PLAA: variants seen among roughly 807,000 people sequenced by gnomAD.
PLAA encodes the protein phospholipase A2 activating protein, also known as phospholipase A-2-activating protein.
PLAA carries 48 observed loss-of-function variants against 84.1 expected under a neutral mutation model. The observed-to-expected ratio is 0.57, with a 90% confidence interval of 0.45 to 0.73. The LOEUF (loss-of-function observed/expected upper bound fraction) is 0.73. Among genes scored for constraint, PLAA ranks in the 30% least tolerant of loss-of-function variants. The pLI, the probability that PLAA is intolerant of heterozygous loss-of-function variation, is 0.00. For synonymous variants in PLAA, 392 were observed against 336.6 expected (o/e 1.16, Z -1.80); for missense variants, 903 against 954.7 (o/e 0.95, Z 0.71).
At chr9:26,945,615 A>G (rs1825670564) in intron 1 of PLAA, among the ~76,000 whole-genome samples, 1 of 152,212 alleles carries the variant, frequency 6.6e-6, no homozygotes, top group African/African-American at 2.4e-5. Context: ...CTCTACCATC[A>G]GCTAGCAGAA....
At position 26,944,393 on chromosome 9, in the gene PLAA, T is replaced by C. The variant is rs145827500; in HGVS notation, c.149+2504A>G. On this transcript the variant is annotated intron_variant, in intron 1 of 13. Transcript: ENST00000397292. ...AATAAAAATTGTCAATATGTCAGAT[T>C]TGAGGACACTTTTACAACATTAAAG... Among the ~76,000 whole-genome samples, 21 of 152,284 alleles carry C rather than the reference T, an allele frequency of 1.4e-4. No homozygotes were observed. In the East Asian group the frequency reaches 3.9e-3, roughly 28 times the overall value.
chr9:26,945,391 C>T (rs1825660973), intron 1 of PLAA, among the ~76,000 whole-genome samples: 2 of 152,292 alleles, frequency 1.3e-5, no homozygotes, highest in South Asian at 4.1e-4. Flanking sequence ...AACTTAATAA[C>T]TGTACTCAAA....
At position 26,926,515 on chromosome 9, in the gene PLAA, T is replaced by G. The variant is rs757094089; in HGVS notation, c.611A>C (p.Glu204Ala). 17 of 1,613,582 alleles carry G rather than the reference T, an allele frequency of 1.1e-5. No individual in the cohort carries two copies. In the East Asian group the frequency reaches 3.3e-4, roughly 32 times the overall value. ...VRGLAILSET[E>A]FLSCANDASI... ...AGCATCATTTGCACAGGAAAGAAAT[T>G]CTGTTTCACTCAAAATTGCCAAACC... The change falls in exon 5 of 14, where the codon GAA becomes GCA. Residue 204 changes from glutamate to alanine, a missense_variant. Transcript: ENST00000397292.
intron 10 of PLAA, chr9:26,915,573 G>T: frequency 2.2e-6 from 1 of 460,330 alleles, no homozygotes; most frequent in Non-Finnish European, 2.9e-6. Context: ...TATACTCCAG[G>T]CATTTTGCTT....
rs1423627836 is a variant in PLAA, at chr9:26,905,249, A to AT, written c.*261dup. 4 of 401,710 alleles carry AT rather than the reference A, an allele frequency of 1.0e-5. No individual in the cohort carries two copies. Among genetic ancestry groups the AT allele is most frequent in the African/African-American group, 6.2e-5 (3 of 48,740 alleles). The allele number at this position is 401,710 out of a possible 1,614,324, so 24.9% of individuals were successfully genotyped here. A position where few individuals can be genotyped will look rare whatever the true frequency, so the allele number is the denominator to read the frequency against. ...GTGGCTAAGGTAAGGGGAAGATGTC[A>AT]TTGTCATTGTGTTGTTGCTGATTAT... On this transcript the variant is annotated 3_prime_UTR_variant, in exon 14 of 14. Transcript: ENST00000397292.
Position 26,935,074 on chromosome 9 carries a change from T to C in PLAA, c.282A>G (p.Ile94Met). 6.2e-7 allele frequency: 1 copy of C among 1,610,428 alleles called. No individual in the cohort carries two copies. Among genetic ancestry groups the C allele is most frequent in the Non-Finnish European group, 8.5e-7 (1 of 1,178,776 alleles). ...TTGGACTGTCCAGTGAGAAAATGCA[T>C]ATATTGTGGTCATTTCCACCGGTGG... ...LIATGGNDHN[I>M]CIFSLDSPMP... Residue 94 changes from isoleucine (I) to methionine (M), a missense_variant, in exon 2 of 14, where the codon ATA becomes ATG. Ile to Met is a conservative substitution (Grantham distance 10). Coordinates refer to ENST00000397292, the MANE Select transcript of PLAA (RefSeq NM_001031689.3).
chr9:26,933,559 G>A (rs1418512080), intron 2 of PLAA, among the ~76,000 whole-genome samples: 1 of 151,806 alleles, frequency 6.6e-6, no homozygotes, highest in Non-Finnish European at 1.5e-5. Flanking sequence ...AAGGCCGAGG[G>A]GGGCAAATCA....
intron 2 of PLAA, among the ~76,000 whole-genome samples, chr9:26,929,641 C>T (rs970203803): frequency 2.6e-5 from 4 of 152,288 alleles, no homozygotes; most frequent in Admixed American, 2.6e-4. Flanking sequence ...GAGACAGCTA[C>T]TTATTTGGAT....
intron 11 of PLAA, among the ~76,000 whole-genome samples, chr9:26,911,049 T>G (rs1312563672): frequency 6.6e-6 from 1 of 151,964 alleles, no homozygotes; most frequent in Non-Finnish European, 1.5e-5. Flanking sequence ...GTCCTAGTCT[T>G]TCTTTTTTTT....
chr9:26,934,474 A>C (rs1035368086), intron 2 of PLAA, among the ~76,000 whole-genome samples: 2 of 90,732 alleles, frequency 2.2e-5, no homozygotes, highest in Non-Finnish European at 4.2e-5. Flanking sequence ...TGAACACTTT[A>C]CTTTTTTTTT....
intron 1 of PLAA, among the ~76,000 whole-genome samples, chr9:26,945,093 C>T (rs1341161766): frequency 6.6e-6 from 1 of 152,126 alleles, no homozygotes; most frequent in African/African-American, 2.4e-5. Flanking sequence ...TGCCATTGCA[C>T]TCCAGCCTGG....
At chr9:26,935,544 C>A (rs772114078) in intron 1 of PLAA, among the ~76,000 whole-genome samples, 15 of 152,084 alleles carry the variant, frequency 9.9e-5, no homozygotes, top group Non-Finnish European at 1.6e-4. Flanking sequence ...CCTAAGAAAT[C>A]CCTGGTTAAA....
In PLAA at chr9:26,920,356, G is replaced by A. The variant is rs372992154; in HGVS notation, c.1068C>T (p.Ile356=). Residue 356 remains isoleucine (I), a synonymous_variant, in exon 8 of 14, where the codon ATC becomes ATT. Coordinates refer to ENST00000397292, the MANE Select transcript of PLAA (RefSeq NM_001031689.3). ...AGGCTTCGACTTTCTCCCCATCTCT[G>A]ATTAGACGAGTCTGTCCTTCTCTAG... ...PGTREGQTRL[I]RDGEKVEAYQ... is the part of the protein sequence containing the mutation. The A allele has an allele frequency of 7.4e-6, 12 of 1,612,638 alleles. No individual in the cohort carries two copies. In the Admixed American group the frequency reaches 2.0e-4, roughly 27 times the overall value.
Position 26,905,661 on chromosome 9 carries a change from A to G in PLAA, c.2238T>C (p.Leu746=), listed in dbSNP as rs1189096106. 2 of 1,614,200 alleles carry G rather than the reference A, an allele frequency of 1.2e-6. No homozygotes were observed. Among genetic ancestry groups the G allele is most frequent in the Non-Finnish European group, 1.7e-6 (2 of 1,180,018 alleles). The stretch of plus-strand genomic sequence containing the variant: ...CACTGATAAGTGTTCCAAGAGCCAC[A>G]AGAAGTCTAAAAGTGGCTTCTAGGT... ...VQDLEATFRL[L]VALGTLISDD... is the part of the protein sequence containing the mutation. Residue 746 remains leucine (L), a synonymous_variant, in exon 14 of 14, where the codon CTT becomes CTC. Coordinates refer to ENST00000397292, the MANE Select transcript of PLAA (RefSeq NM_001031689.3).
intron 1 of PLAA, among the ~76,000 whole-genome samples, chr9:26,936,580 A>T (rs1181206126): frequency 6.6e-6 from 1 of 152,236 alleles, no homozygotes; most frequent in African/African-American, 2.4e-5. Flanking sequence ...CTCTTGGCAC[A>T]GTAGCAGTTA....
chr9:26,905,532 T>A lies in PLAA; in HGVS notation c.2367A>T (p.Arg789Ser). 3.7e-6 allele frequency: 6 copies of A among 1,611,120 alleles called. No homozygotes were observed. Among genetic ancestry groups the A allele is most frequent in the Non-Finnish European group, 5.1e-6 (6 of 1,178,856 alleles). Residue 789 changes from arginine to serine, a missense_variant, in exon 14 of 14, where the codon AGA becomes AGT. Arg to Ser is a moderately radical substitution (Grantham distance 110). Transcript: ENST00000397292. The part of the protein sequence containing the change: ...SEPAKVSECC[R>S]FILNLL ...ACTGCTACAGCAAATTTAGGATAAA[T>A]CTACAGCATTCACTTACTTTAGCTG...
intron 9 of PLAA, among the ~76,000 whole-genome samples, chr9:26,917,755 T>C (rs556895011): frequency 7.2e-5 from 11 of 152,264 alleles, no homozygotes; most frequent in African/African-American, 2.6e-4. Context: ...GTGGCGTATG[T>C]GCCTATGTTT....
chr9:26,936,220 C>T (rs1825352591), intron 1 of PLAA, among the ~76,000 whole-genome samples: 1 of 151,326 alleles, frequency 6.6e-6, no homozygotes, highest in African/African-American at 2.4e-5. Flanking sequence ...TTAATAAAGG[C>T]TTAATTAAAC....
Position 26,946,877 on chromosome 9 carries a change from A to C in PLAA, c.149+20T>G, listed in dbSNP as rs1165469322. On this transcript the variant is annotated intron_variant, in intron 1 of 13. Coordinates refer to ENST00000397292, the MANE Select transcript of PLAA (RefSeq NM_001031689.3). ...GGAAGCGTGCAACACAGCCGGGGCA[A>C]CCCGACTCCCAGCGCTCACCTGTCT... 29 of 1,561,066 alleles carry C rather than the reference A, an allele frequency of 1.9e-5. No homozygotes were observed. The highest frequency in any genetic ancestry group is 2.4e-5 in the Non-Finnish European group (28 of 1,153,804).
Sources: gnomAD v4.1 joint callset for allele counts (sites outside exome capture counted in the v4.1 genomes callset) on GRCh38, gnomAD v4.1.1 for gene constraint, MANE v1.5 for transcripts, NCBI Gene and HGNC (gene_info 2026-07-23, HGNC 2026-07-21) for gene names.